ADGRL3: variants seen among roughly 807,000 people sequenced by gnomAD.
ADGRL3 encodes the protein adhesion G protein-coupled receptor L3.
A neutral mutation model predicts 153.5 loss-of-function variants in ADGRL3; 62 were observed. The ratio of observed to expected loss-of-function variants is 0.40; its 90% CI spans 0.33 to 0.50. The LOEUF (loss-of-function observed/expected upper bound fraction) is 0.50. Ranked by LOEUF, ADGRL3 falls within the 20% of genes least tolerant of loss-of-function variation. ADGRL3 has a pLI of 0.47. For missense variants in ADGRL3, 1,641 were observed against 1,859.4 expected, an observed-to-expected ratio of 0.88 and a Z score of 2.16; for synonymous variants, 710 against 672.5, an observed-to-expected ratio of 1.06 and a Z score of -0.86.
chr4:61,826,267 CATT>C (rs1332818471), intron 9 of ADGRL3, among the ~76,000 whole-genome samples: 10 of 152,032 alleles, frequency 6.6e-5, no homozygotes, highest in Non-Finnish European at 1.2e-4. Context: ...GTGAGTTGGC[CATT>C]ATTACAGTTG....
intron 8 of ADGRL3, among the ~76,000 whole-genome samples, chr4:61,736,212 G>A (rs2096509993): frequency 6.6e-6 from 1 of 151,946 alleles, no homozygotes; most frequent in Admixed American, 6.6e-5. Flanking sequence ...TACATATGGG[G>A]GGGTAAGAGA....
At chr4:61,585,229 C>G (rs1158147232) in intron 4 of ADGRL3, among the ~76,000 whole-genome samples, 1 of 151,924 alleles carries the variant, frequency 6.6e-6, no homozygotes, top group African/African-American at 2.4e-5. Flanking sequence ...TGCAGTGCAG[C>G]TTGAATAACT....
intron 9 of ADGRL3, among the ~76,000 whole-genome samples, chr4:61,818,952 C>T (rs2148691963): frequency 6.6e-6 from 1 of 152,206 alleles, no homozygotes; most frequent in Non-Finnish European, 1.5e-5. Context: ...AAAACTCTTA[C>T]TCATTTTTCT....
chr4:61,512,455 T>C (rs962642215), intron 3 of ADGRL3, among the ~76,000 whole-genome samples: 3 of 152,088 alleles, frequency 2.0e-5, no homozygotes, highest in Non-Finnish European at 4.4e-5. Context: ...TATAACCTAC[T>C]GAGCATTTGC....
At chr4:61,387,497 G>A (rs1390765637) in intron 2 of ADGRL3, among the ~76,000 whole-genome samples, 1 of 151,990 alleles carries the variant, frequency 6.6e-6, no homozygotes, top group East Asian at 1.9e-4. Flanking sequence ...CATAAGAGAC[G>A]ACCACGCCCC....
chr4:61,810,781 T>C (rs7689173), intron 8 of ADGRL3, among the ~76,000 whole-genome samples: 14,042 of 152,128 alleles, frequency 0.092, 736 homozygotes, highest in Middle Eastern at 0.15. Context: ...AAAGGTTTTT[T>C]TATGTGTTTT....
At chr4:61,887,404 G>T (rs2098545523) in intron 9 of ADGRL3, among the ~76,000 whole-genome samples, 1 of 152,116 alleles carries the variant, frequency 6.6e-6, no homozygotes, top group Non-Finnish European at 1.5e-5. Context: ...TGGAGTCAGA[G>T]AATGCCTGTT....
At chr4:61,651,134 C>T (rs1056209648) in intron 5 of ADGRL3, among the ~76,000 whole-genome samples, 3 of 152,030 alleles carry the variant, frequency 2.0e-5, no homozygotes, top group African/African-American at 7.2e-5. Flanking sequence ...AAAGTTCTAG[C>T]TTATGGAGGC....
chr4:61,409,376 ATATAT>A (rs1275482500), intron 2 of ADGRL3, among the ~76,000 whole-genome samples: 24 of 124,182 alleles, frequency 1.9e-4, no homozygotes, highest in East Asian at 8.9e-4. Flanking sequence ...TATATAAGAC[ATATAT>A]TATATATATA....
At chr4:61,318,390 A>G (rs992491375) in intron 1 of ADGRL3, among the ~76,000 whole-genome samples, 2 of 152,030 alleles carry the variant, frequency 1.3e-5, no homozygotes, top group African/African-American at 4.8e-5. Flanking sequence ...CCAACATTTT[A>G]CCTTCTCAGA....
At chr4:61,626,513 A>G (rs1244321527) in intron 5 of ADGRL3, among the ~76,000 whole-genome samples, 2 of 152,068 alleles carry the variant, frequency 1.3e-5, no homozygotes, top group African/African-American at 4.8e-5. Flanking sequence ...TTCTTTCTCA[A>G]GAGGGATGAA....
intron 2 of ADGRL3, among the ~76,000 whole-genome samples, chr4:61,468,427 A>G (rs1397443173): frequency 6.6e-6 from 1 of 152,102 alleles, no homozygotes; most frequent in Non-Finnish European, 1.5e-5. Flanking sequence ...TGCTTTTGTC[A>G]TATCAGCCTG....
chr4:61,456,099 C>T (rs919130856), intron 2 of ADGRL3, among the ~76,000 whole-genome samples: 6 of 151,736 alleles, frequency 4.0e-5, no homozygotes, highest in Non-Finnish European at 5.9e-5. Flanking sequence ...CCAATATGCC[C>T]GGCCGACCCT....
At chr4:61,699,136 C>T (rs971501065) in intron 6 of ADGRL3, among the ~76,000 whole-genome samples, 1 of 151,840 alleles carries the variant, frequency 6.6e-6, no homozygotes, top group Admixed American at 6.6e-5. Flanking sequence ...ACCAGGCAGC[C>T]GAAATAGATG....
chr4:61,941,182 A>G (rs964863002), intron 15 of ADGRL3, among the ~76,000 whole-genome samples: 5 of 104,542 alleles, frequency 4.8e-5, no homozygotes, highest in African/African-American at 1.5e-4. Context: ...CATTTATTAA[A>G]TAGGGAATCC....
chr4:61,856,586 TTCTCTC>T (rs199927400), intron 9 of ADGRL3, among the ~76,000 whole-genome samples: 23,843 of 78,110 alleles, frequency 0.31, 6,213 homozygotes, highest in Non-Finnish European at 0.39. Context: ...TCTCTCTTTT[TTCTCTC>T]TCTCTCTCTC....
chr4:61,373,407 A>G (rs1054770798), intron 1 of ADGRL3, among the ~76,000 whole-genome samples: 1 of 152,250 alleles, frequency 6.6e-6, no homozygotes, highest in African/African-American at 2.4e-5. Context: ...TTATAGGTAT[A>G]CATAAAATTA....
At chr4:61,822,353 G>A (rs2097763727) in intron 9 of ADGRL3, among the ~76,000 whole-genome samples, 1 of 151,636 alleles carries the variant, frequency 6.6e-6, no homozygotes, top group Non-Finnish European at 1.5e-5. Flanking sequence ...ATCAAACACA[G>A]AAAAATATAT....
At chr4:61,864,513 T>C (rs1241460661) in intron 9 of ADGRL3, among the ~76,000 whole-genome samples, 4 of 152,182 alleles carry the variant, frequency 2.6e-5, no homozygotes, top group Non-Finnish European at 4.4e-5. Flanking sequence ...TTAACGTTAA[T>C]TGAGCTCCAC....
Sources: allele counts gnomAD v4.1 joint callset (sites outside exome capture counted in the v4.1 genomes callset), GRCh38; gene constraint gnomAD v4.1.1; transcripts MANE v1.5; gene names NCBI Gene and HGNC (gene_info 2026-07-23, HGNC 2026-07-21).